Variants in ELMOD2 observed in about 807,000 individuals in gnomAD.
ELMOD2 encodes the protein ELMO domain containing 2, also known as ELMO domain-containing protein 2.
In ELMOD2, 28 loss-of-function variants were observed where a neutral mutation model predicts 41.0. That is an observed-to-expected ratio of 0.68 (90% CI 0.51 to 0.94). The LOEUF is 0.94. ELMOD2 is among the 40% of genes least tolerant of loss of function. The pLI is 0.00. For missense variants in ELMOD2, 333 were observed against 343.1 expected (o/e 0.97, Z 0.23); for synonymous variants, 106 against 107.2 (o/e 0.99, Z 0.07).
Position 140,525,472 on chromosome 4 carries a change from G to T in ELMOD2, c.44G>T (p.Arg15Leu), listed in dbSNP as rs935760193. ...LWEFFYGHFF[R>L]FWMKWLLRQM... ...GAGTTCTTCTATGGGCACTTTTTTC[G>T]ATTTTGGATGAAATGGCTATTACGA... The change falls in exon 2 of 9, where the codon CGA becomes CTA. Residue 15 changes from arginine to leucine, a missense_variant. By Grantham distance (102) the Arg-to-Leu change is moderately radical. Transcript: ENST00000323570. 25 of 1,613,066 alleles carry T rather than the reference G, an allele frequency of 1.5e-5. No homozygotes were observed. Among genetic ancestry groups the T allele is most frequent in the Non-Finnish European group, 2.1e-5 (25 of 1,179,684 alleles).
rs1735502789 is a variant in ELMOD2 at position 140,552,870 on chromosome 4, A to C, written c.*2495A>C. ...TTATGGTTTTAATAGGATCTGAAAG[A>C]CAATCTTTAAAGAAATGGGAGAAAT... is the stretch of plus-strand genomic sequence containing the variant. On this transcript the variant is annotated 3_prime_UTR_variant, in exon 9 of 9. Transcript: ENST00000323570. 6.6e-6 allele frequency: 1 copy of C among 151,920 alleles called. No homozygotes were observed. The highest frequency in any genetic ancestry group is 1.5e-5 in the Non-Finnish European group (1 of 67,898). The allele number at this position is 151,920 out of a possible 1,614,324, so 9.4% of individuals were successfully genotyped here. A position where few individuals can be genotyped will look rare whatever the true frequency, so the allele number is the denominator to read the frequency against.
rs1320980344 is a variant in ELMOD2, at chr4:140,540,182, A to T, written c.414A>T (p.Leu138=). The T allele has an allele frequency of 8.1e-6, 13 of 1,613,994 alleles. No individual in the cohort carries two copies. The highest frequency in any genetic ancestry group is 1.1e-5 in the Non-Finnish European group (13 of 1,180,010). Residue 138 remains leucine, a synonymous_variant, in exon 6 of 9, where the codon CTA becomes CTT. Coordinates refer to ENST00000323570, the MANE Select transcript of ELMOD2 (RefSeq NM_153702.4). ...TATTTGTACAGCTTTGGAATCTTCT[A>T]ATGCCCACGAAGAAGTTAAACGCTA... ...EELLMKLWNL[L]MPTKKLNARI...
At chr4:140,536,020 C>A (rs540211690) in intron 4 of ELMOD2, among the ~76,000 whole-genome samples, 190 bp downstream of exon 4, 1 of 152,174 alleles carries the variant, frequency 6.6e-6, no homozygotes, top group African/African-American at 2.4e-5. Flanking sequence ...GAACCTGTAT[C>A]TCTTGGTTTC....
At chr4:140,548,337 T>C (rs1446651596) in intron 8 of ELMOD2, among the ~76,000 whole-genome samples, 2 of 152,132 alleles carry the variant, frequency 1.3e-5, no homozygotes, top group Non-Finnish European at 2.9e-5. Flanking sequence ...TAACAGTGTA[T>C]GGGGGATAGA....
At chr4:140,543,417 G>T in intron 7 of ELMOD2, 36 bp from the exon 8 acceptor site, 1 of 1,564,582 alleles carries the variant, frequency 6.4e-7, no homozygotes, top group South Asian at 1.2e-5. Context: ...TGAGTTATTT[G>T]GCTAGCTGGT....
At chr4:140,549,600 CA>C (rs1735402850) in intron 8 of ELMOD2, among the ~76,000 whole-genome samples, 1 of 147,136 alleles carries the variant, frequency 6.8e-6, no homozygotes, top group Non-Finnish European at 1.5e-5. Context: ...CCTTATCCAA[CA>C]TTTTTTCGTT....
chr4:140,542,460 A>G, intron 6 of ELMOD2, 114 bp from the exon 7 acceptor site: 1 of 689,416 alleles, frequency 1.5e-6, no homozygotes, highest in Non-Finnish European at 2.4e-6. Context: ...AGATATCAGG[A>G]TACTCATGGC....
At position 140,550,355 on chromosome 4, in the gene ELMOD2, G is replaced by A. The variant is rs1024184797; in HGVS notation, c.862G>A (p.Ala288Thr). 14 of 1,604,122 alleles carry A rather than the reference G, an allele frequency of 8.7e-6. No homozygotes were observed. The highest frequency in any genetic ancestry group is 5.2e-5 in the Admixed American group (3 of 58,158). ...AGGACTTTTACTGGATTGTAATGTAGCACTTACTTTAAAAGTATAAATCAT... is the reference window on the plus strand; with the variant it reads ...AGGACTTTTACTGGATTGTAATGTAACACTTACTTTAAAAGTATAAATCAT... ...IKGLLLDCNV[A>T]LTLKV Residue 288 changes from alanine (A) to threonine (T), a missense_variant, in exon 9 of 9, where the codon GCA (alanine) becomes ACA (threonine). Transcript: ENST00000323570.
At chr4:140,548,713 A>G (rs1735370682) in intron 8 of ELMOD2, among the ~76,000 whole-genome samples, 1 of 152,154 alleles carries the variant, frequency 6.6e-6, no homozygotes, top group Admixed American at 6.6e-5. Flanking sequence ...GAATAACAAC[A>G]TAGTACTTGC....
intron 7 of ELMOD2, among the ~76,000 whole-genome samples, chr4:140,543,055 A>G (rs1735158963): frequency 6.6e-6 from 1 of 151,976 alleles, no homozygotes; most frequent in South Asian, 2.1e-4. Context: ...CTAATCTTTG[A>G]AAAAGCATAG....
chr4:140,527,099 T>C (rs1309290145), intron 2 of ELMOD2, among the ~76,000 whole-genome samples: 1 of 152,168 alleles, frequency 6.6e-6, no homozygotes, highest in Non-Finnish European at 1.5e-5. Context: ...CAAATGAAAA[T>C]GCAGTAGAGA....
chr4:140,545,692 G>A (rs1273212967), intron 8 of ELMOD2, among the ~76,000 whole-genome samples: 1 of 151,972 alleles, frequency 6.6e-6, no homozygotes, highest in Non-Finnish European at 1.5e-5. Flanking sequence ...AAGTGTTGTT[G>A]CTGGGACTTT....
chr4:140,545,761 A>G (rs1482500551), intron 8 of ELMOD2, among the ~76,000 whole-genome samples: 2 of 152,032 alleles, frequency 1.3e-5, no homozygotes, highest in Admixed American at 6.6e-5. Context: ...TTAGCTACCT[A>G]TTGAACATAA....
At chr4:140,533,601 C>T (rs1489980425) in intron 3 of ELMOD2, among the ~76,000 whole-genome samples, 1 of 152,042 alleles carries the variant, frequency 6.6e-6, no homozygotes, top group Non-Finnish European at 1.5e-5. Flanking sequence ...TATGCTGCCA[C>T]TTAAAAAAAT....
intron 3 of ELMOD2, 123 bp downstream of exon 3, chr4:140,527,617 G>GT: frequency 1.4e-6 from 1 of 739,950 alleles, no homozygotes. Context: ...AATTTTCCCC[G>GT]TTTAGAGGTA....
At chr4:140,544,938 G>A (rs1434560214) in intron 8 of ELMOD2, among the ~76,000 whole-genome samples, 1 of 152,146 alleles carries the variant, frequency 6.6e-6, no homozygotes, top group Non-Finnish European at 1.5e-5. Context: ...CATTTGGTGA[G>A]GAGCTGTCAT....
intron 5 of ELMOD2, among the ~76,000 whole-genome samples, chr4:140,539,701 AT>A (rs908357630): frequency 1.3e-5 from 2 of 152,126 alleles, no homozygotes; most frequent in African/African-American, 2.4e-5. Context: ...ACCAAATCAT[AT>A]TTTTTTAAAC....
chr4:140,543,669 G>A, intron 8 of ELMOD2, 83 bp downstream of exon 8: 1 of 1,089,884 alleles, frequency 9.2e-7, no homozygotes, highest in Non-Finnish European at 1.2e-6. Context: ...ATTTTAATCT[G>A]TTGTCTCTGT....
At position 140,543,557 on chromosome 4, in the gene ELMOD2, C is replaced by A. The variant is rs200049901; in HGVS notation, c.707C>A (p.Pro236Gln). 19 of 1,600,464 alleles carry A rather than the reference C, an allele frequency of 1.2e-5. No homozygotes were observed. The highest frequency in any genetic ancestry group is 1.5e-5 in the Non-Finnish European group (18 of 1,176,114). Residue 236 changes from proline to glutamine, a missense_variant, in exon 8 of 9, where the codon CCA (proline) becomes CAA (glutamine). Pro to Gln is a moderately conservative substitution (Grantham distance 76). Transcript: ENST00000323570. The part of the protein sequence containing the change: ...FHLYNLVPGI[P>Q]TMEHFHQFYC... Reference sequence around the variant, plus strand: ...CTCTATAACCTTGTTCCTGGTATACCAACAATGGAACACTTTCATCAGTTT... The same window carrying A: ...CTCTATAACCTTGTTCCTGGTATACAAACAATGGAACACTTTCATCAGTTT...
Sources: allele counts gnomAD v4.1 joint callset (sites outside exome capture counted in the v4.1 genomes callset), GRCh38; gene constraint gnomAD v4.1.1; transcripts MANE v1.5; gene names NCBI Gene and HGNC (gene_info 2026-07-23, HGNC 2026-07-21).